CFAP74: variants seen among roughly 807,000 people sequenced by gnomAD.
CFAP74 encodes the protein cilia and flagella associated protein 74.
In CFAP74, 124 loss-of-function variants were observed where a neutral mutation model predicts 188.9. The observed-to-expected ratio is 0.66, with a 90% CI of 0.57 to 0.76. CFAP74 has a LOEUF of 0.76. CFAP74 is among the 30% of genes least tolerant of loss of function. The pLI is 0.00. For synonymous variants in CFAP74, 956 were observed against 916.7 expected (o/e 1.04, Z -0.77); for missense variants, 2,198 against 2,165.2 (o/e 1.02, Z -0.30).
chr1:1,962,837 T>C (rs1160323853), intron 14 of CFAP74, among the ~76,000 whole-genome samples: 4 of 152,134 alleles, frequency 2.6e-5, no homozygotes, highest in Admixed American at 2.6e-4. Flanking sequence ...TGCAGTGAAC[T>C]GAGATCGTGC....
intron 6 of CFAP74, among the ~76,000 whole-genome samples, chr1:1,981,464 ACC>A (rs2102094717): frequency 5.4e-5 from 8 of 147,160 alleles, no homozygotes; most frequent in African/African-American, 7.6e-5. Context: ...CACGCAGGAC[ACC>A]CAGCCGCGGT....
intron 1 of CFAP74, among the ~76,000 whole-genome samples, chr1:1,991,858 T>C (rs1434391175): frequency 1.3e-5 from 2 of 151,426 alleles, no homozygotes; most frequent in Non-Finnish European, 2.9e-5. Context: ...GCTAGCACAG[T>C]GAAACCCCAT....
At chr1:1,922,760 G>T in intron 37 of CFAP74, 37 bp from the exon 38 acceptor site, 2 of 1,589,804 alleles carry the variant, frequency 1.3e-6, no homozygotes, top group Non-Finnish European at 1.7e-6. Context: ...TGGCGACCAG[G>T]CACCGCTCCC....
In CFAP74 at chr1:1,923,215, C is replaced by T; in HGVS notation, c.4523-70G>A. 7.9e-6 allele frequency: 12 copies of T among 1,520,308 alleles called. No homozygotes were observed. The highest frequency in any genetic ancestry group is 7.1e-6 in the Non-Finnish European group (8 of 1,129,832). The allele number at this position is 1,520,308 out of a possible 1,614,324, so 94.2% of individuals were successfully genotyped here. A position where few individuals can be genotyped will look rare whatever the true frequency, so the allele number is the denominator to read the frequency against. On this transcript the variant is annotated intron_variant, in intron 36 of 38. Coordinates refer to ENST00000682832, the MANE Select transcript of CFAP74 (RefSeq NM_001304360.2). The surrounding 1 kb of genome is among the most constrained non-coding windows in gnomAD (Gnocchi z 6.3). ...CATGGGGTGAGGCTGCAGCTGGACT[C>T]CTGAACTCTGGTTAGCAGTGGCTGT...
At chr1:1,955,462 G>A in intron 18 of CFAP74, 2 of 1,559,198 alleles carry the variant, frequency 1.3e-6, no homozygotes, top group Non-Finnish European at 1.7e-6. Context: ...TGCTGGAGGT[G>A]CCTTCAAGTC....
chr1:1,934,696 CACAG>C (rs1287682340), intron 25 of CFAP74, among the ~76,000 whole-genome samples: 2 of 132,586 alleles, frequency 1.5e-5, no homozygotes, highest in Admixed American at 7.5e-5. Flanking sequence ...GCTGTAGGTA[CACAG>C]GTGTGTACGT....
At chr1:1,995,906 TCAAA>T (rs753615216) in intron 1 of CFAP74, among the ~76,000 whole-genome samples, 6 of 152,082 alleles carry the variant, frequency 3.9e-5, no homozygotes, top group Middle Eastern at 3.4e-3. Context: ...AGACTCCGTC[TCAAA>T]CAAACAAACA....
In CFAP74 at chr1:1,922,894, G is replaced by A. The variant is rs1015479709; in HGVS notation, c.4683+91C>T. 7 of 1,499,022 alleles carry A rather than the reference G, an allele frequency of 4.7e-6. No individual in the cohort carries two copies. The African/African-American group carries it at 8.4e-5, about 18-fold the overall frequency. 92.9% of individuals were successfully genotyped at this position (1,499,022 alleles called of 1,614,324 possible). On this transcript the variant is annotated intron_variant, in intron 37 of 38. Transcript: ENST00000682832. Reference sequence around the variant, plus strand: ...AAGCCCGGCTGTCAGGACAAGCCCAGTGAGGGGCAAGGCCAGGAGGGTCAG... The same window carrying A: ...AAGCCCGGCTGTCAGGACAAGCCCAATGAGGGGCAAGGCCAGGAGGGTCAG...
At chr1:1,982,306 A>C (rs1354504484) in intron 6 of CFAP74, among the ~76,000 whole-genome samples, 1 of 130,808 alleles carries the variant, frequency 7.6e-6, no homozygotes, top group African/African-American at 2.9e-5. Context: ...CACGCAGGAC[A>C]CCCAGCCGTG....
rs573640480 is a variant in CFAP74 at position 1,959,617 on chromosome 1, G to A, written c.1761+347C>T. Among the ~76,000 whole-genome samples, 52 of 152,242 alleles carry A rather than the reference G, an allele frequency of 3.4e-4. No homozygotes were observed. In the East Asian group the frequency reaches 9.5e-3, roughly 28 times the overall value. On this transcript the variant is annotated intron_variant, in intron 15 of 38. Coordinates refer to ENST00000682832, the MANE Select transcript of CFAP74 (RefSeq NM_001304360.2). ...TGCCGTGGCTACCTGGGCCAGGGCC[G>A]CCTGCCACCTGCCCAGCTCGGGTGA... is the stretch of plus-strand genomic sequence containing the variant.
At chr1:1,978,456 T>A (rs1386558957) in intron 6 of CFAP74, among the ~76,000 whole-genome samples, 1 of 152,046 alleles carries the variant, frequency 6.6e-6, no homozygotes. Context: ...TTAATTGATT[T>A]TGGGGTCCCT....
In CFAP74 at chr1:1,972,078, G is replaced by C; in HGVS notation, c.790C>G (p.Arg264Gly). Reference protein sequence around the residue: ...RFLKASLGRIREQEKKEEMEC... With the variant: ...RFLKASLGRIGEQEKKEEMEC... Reference sequence around the variant, plus strand: ...ATCTCCTCCTTCTTCTCTTGCTCTCGGATTCTGAGGAAGGACATTTAAACA... The same window carrying C: ...ATCTCCTCCTTCTTCTCTTGCTCTCCGATTCTGAGGAAGGACATTTAAACA... The change falls in exon 9 of 39, where the codon CGA (arginine) becomes GGA (glycine). Residue 264 changes from arginine (R) to glycine (G), a missense_variant. Physicochemically the swap from Arg to Gly is moderately radical, Grantham distance 125 (BLOSUM62 -2). Transcript: ENST00000682832. 6.2e-7 allele frequency: 1 copy of C among 1,610,506 alleles called. No homozygotes were observed. Among genetic ancestry groups the C allele is most frequent in the Non-Finnish European group, 8.5e-7 (1 of 1,178,554 alleles).
chr1:1,940,232 G>T lies in CFAP74; in HGVS notation c.2703+84C>A, dbSNP rs541265398. On this transcript the variant is annotated intron_variant, in intron 23 of 38. Transcript: ENST00000682832. ...AGGATGAGCCCTTTTGGGGGCCCTC[G>T]CCCGGGTGCTGGGCCTGGCCTCCCA... 3.6e-5 allele frequency: 40 copies of T among 1,105,204 alleles called. No individual in the cohort carries two copies. The African/African-American group carries it at 5.9e-4, about 16-fold the overall frequency. The allele number at this position is 1,105,204 out of a possible 1,614,324, so 68.5% of individuals were successfully genotyped here.
chr1:1,998,252 T>G (rs1366784673), intron 1 of CFAP74, among the ~76,000 whole-genome samples: 1 of 152,182 alleles, frequency 6.6e-6, no homozygotes, highest in Non-Finnish European at 1.5e-5. Flanking sequence ...CACTCCAGCC[T>G]GGGTGACAGA....
At position 1,975,114 on chromosome 1, in the gene CFAP74, C is replaced by G. The variant is rs1570956286; in HGVS notation, c.501-916G>C. The stretch of plus-strand genomic sequence containing the variant: ...ATTCCACGTGACGTGTGCCACAGCT[C>G]TGTCCTAGACACCCGCGATCATGTT... On this transcript the variant is annotated intron_variant, in intron 6 of 38. Transcript: ENST00000682832. This position sits in a 1 kb window ranked among gnomAD's most constrained non-coding sequence, Gnocchi z 4.5. Among the ~76,000 whole-genome samples the G allele has an allele frequency of 6.6e-6, 1 of 152,254 alleles. No individual in the cohort carries two copies.
Position 1,963,802 on chromosome 1 carries a change from G to A in CFAP74, c.1641C>T (p.Asn547=). ...CCTCCACGCCCACCAGCTTGCAGTA[G>A]TTGATCGTGTAGGTGGTGTTTACCA... ...ITLVNTTYTI[N]YCKLVGVEEH... Residue 547 remains asparagine (N), a synonymous_variant, in exon 14 of 39, where the codon AAC becomes AAT. Transcript: ENST00000682832. The A allele has an allele frequency of 1.9e-6, 3 of 1,614,052 alleles. No individual in the cohort carries two copies. The highest frequency in any genetic ancestry group is 2.5e-6 in the Non-Finnish European group (3 of 1,179,994).
intron 1 of CFAP74, among the ~76,000 whole-genome samples, chr1:2,001,802 G>A (rs1658223750): frequency 6.6e-6 from 1 of 152,190 alleles, no homozygotes; most frequent in African/African-American, 2.4e-5. Context: ...TTTCCTGTCC[G>A]AGACGTGCAG....
intron 5 of CFAP74, 85 bp from the exon 6 acceptor site, chr1:1,985,575 T>C: frequency 9.4e-7 from 1 of 1,064,218 alleles, no homozygotes; most frequent in Non-Finnish European, 1.4e-6. Flanking sequence ...CTCCCTGGCC[T>C]CCTCTCGCTC....
At chr1:1,964,711 AC>A (rs1411435501) in intron 13 of CFAP74, among the ~76,000 whole-genome samples, 176 bp downstream of exon 13, 1 of 152,124 alleles carries the variant, frequency 6.6e-6, no homozygotes, top group African/African-American at 2.4e-5. Flanking sequence ...AATCGCTTGA[AC>A]CCAGGAGGCG....
Sources: allele counts gnomAD v4.1 joint callset (sites outside exome capture counted in the v4.1 genomes callset), GRCh38; gene constraint gnomAD v4.1.1; non-coding constraint Gnocchi (gnomAD v3.1); transcripts MANE v1.5; gene names NCBI Gene and HGNC (gene_info 2026-07-23, HGNC 2026-07-21).